The following SLC38A8 variants were observed in gnomAD, a reference collection of about 807,000 sequenced individuals.
SLC38A8 encodes amino acid transporter SLC38A8.
Under a neutral mutation model 46.0 loss-of-function variants are expected in SLC38A8, and 65 were observed. The observed-to-expected ratio is 1.41, with a 90% CI of 1.16 to 1.74. SLC38A8 has a LOEUF of 1.74. Among genes scored for constraint, SLC38A8 ranks in the 40% most tolerant of loss-of-function variants. SLC38A8 has a pLI of 0.00. For missense variants in SLC38A8, 998 were observed against 567.9 expected (o/e 1.76, Z -7.70); for synonymous variants, 447 against 243.7 (o/e 1.83, Z -7.77).
At chr16:84,030,355 T>G (rs2085223285) in intron 5 of SLC38A8, among the ~76,000 whole-genome samples, 1 of 152,116 alleles carries the variant, frequency 6.6e-6, no homozygotes, top group Admixed American at 6.5e-5. Flanking sequence ...TACCAGGGCC[T>G]CCTCATCCCC....
intron 6 of SLC38A8, among the ~76,000 whole-genome samples, chr16:84,024,033 C>T (rs1038732317): frequency 6.6e-6 from 1 of 152,206 alleles, no homozygotes; most frequent in Non-Finnish European, 1.5e-5. Context: ...TTGGCAGCCG[C>T]CCTGTGTGTT....
chr16:84,016,961 A>G (rs935825474), intron 8 of SLC38A8, among the ~76,000 whole-genome samples, 179 bp downstream of exon 8: 1 of 152,190 alleles, frequency 6.6e-6, no homozygotes, highest in Admixed American at 6.5e-5. Context: ...GGCTGTGGAC[A>G]CACACTCACG....
At chr16:84,027,015 G>A (rs2085172236) in intron 6 of SLC38A8, among the ~76,000 whole-genome samples, 1 of 152,132 alleles carries the variant, frequency 6.6e-6, no homozygotes, top group Non-Finnish European at 1.5e-5. Flanking sequence ...AAGGGTGAAT[G>A]GCACGGTATA....
At chr16:84,032,171 TTTGTTGTTGTTGTTTTG>T (rs796079357) in intron 4 of SLC38A8, among the ~76,000 whole-genome samples, 60 of 34,092 alleles carry the variant, frequency 1.8e-3, no homozygotes, top group African/African-American at 5.7e-3. Context: ...GATGTAGAGT[TTTGTTGTTGTTGTTTTG>T]TTGTTGTTGT....
In SLC38A8 at chr16:84,009,763, C is replaced by T; in HGVS notation, c.*21G>A. On this transcript the variant is annotated 3_prime_UTR_variant, in exon 11 of 11. Transcript: ENST00000299709. ...GGGTCAGCCCCCGGAGGGCCCCTTC[C>T]TGCCCGGCACTAGCTGCCCATCAGA... The T allele has an allele frequency of 3.1e-6, 5 of 1,608,570 alleles. No homozygotes were observed. Among genetic ancestry groups the T allele is most frequent in the Non-Finnish European group, 4.2e-6 (5 of 1,177,642 alleles).
At chr16:84,035,469 A>C (rs1387729600) in intron 3 of SLC38A8, among the ~76,000 whole-genome samples, 1 of 152,210 alleles carries the variant, frequency 6.6e-6, no homozygotes, top group Non-Finnish European at 1.5e-5. Context: ...AAAAGTCTAA[A>C]CATTCCAATC....
chr16:84,019,890 T>C lies in SLC38A8; in HGVS notation c.806-2603A>G, dbSNP rs1410486645. 2.0e-5 allele frequency among the ~76,000 whole-genome samples: 3 copies of C among 152,262 alleles called. No individual in the cohort carries two copies. The East Asian group carries it at 5.8e-4, about 29-fold the overall frequency. ...GCGTCAAGCTGGAGGATCATCTGTT[T>C]TGACACCATGTGCCACCCCCTGGAC... On this transcript the variant is annotated intron_variant, in intron 7 of 10. Transcript: ENST00000299709.
chr16:84,016,957 G>T (rs1215679178), intron 8 of SLC38A8, among the ~76,000 whole-genome samples, 183 bp downstream of exon 8: 1 of 152,184 alleles, frequency 6.6e-6, no homozygotes, highest in Admixed American at 6.5e-5. Context: ...TCCTGGCTGT[G>T]GACACACACT....
At chr16:84,017,990 G>T (rs892098527) in intron 7 of SLC38A8, among the ~76,000 whole-genome samples, 2 of 152,164 alleles carry the variant, frequency 1.3e-5, no homozygotes, top group African/African-American at 4.8e-5. Context: ...GAGTCACCCA[G>T]CAAGTTTCCT....
chr16:84,038,759 G>A (rs1397220703), intron 2 of SLC38A8, among the ~76,000 whole-genome samples: 1 of 152,150 alleles, frequency 6.6e-6, no homozygotes, highest in Non-Finnish European at 1.5e-5. Flanking sequence ...CACCGGTCTA[G>A]TATTTTCCAC....
At chr16:84,042,241 C>A in intron 1 of SLC38A8, 82 bp from the exon 2 acceptor site, 2 of 1,455,198 alleles carry the variant, frequency 1.4e-6, no homozygotes, top group Admixed American at 2.3e-5. Context: ...TTTGTCTCCC[C>A]AACTCAGTGA....
At position 84,027,977 on chromosome 16, in the gene SLC38A8, G is replaced by A. The variant is rs542946067; in HGVS notation, c.690+1517C>T. On this transcript the variant is annotated intron_variant, in intron 6 of 10. Coordinates refer to ENST00000299709, the MANE Select transcript of SLC38A8 (RefSeq NM_001080442.3). Reference sequence around the variant, plus strand: ...GAAGCAATGTGAGAAATCCACAGAAGTGGCTTGCTGAGGCCCTGAAGCAGC... The same window carrying A: ...GAAGCAATGTGAGAAATCCACAGAAATGGCTTGCTGAGGCCCTGAAGCAGC... Among the ~76,000 whole-genome samples, 21 of 152,226 alleles carry A rather than the reference G, an allele frequency of 1.4e-4. 1 individual carries two copies. The South Asian group carries it at 2.7e-3, about 20-fold the overall frequency.
intron 10 of SLC38A8, among the ~76,000 whole-genome samples, chr16:84,011,113 A>C (rs2084947874): frequency 6.6e-6 from 1 of 152,242 alleles, no homozygotes. Flanking sequence ...GCAGCATCTC[A>C]GCACGGCTGT....
rs564093517 is a variant in SLC38A8, at chr16:84,037,704, T to C, written c.190-804A>G. Among the ~76,000 whole-genome samples, 150 of 149,846 alleles carry C rather than the reference T, an allele frequency of 1.0e-3. 1 individual carries two copies. Among genetic ancestry groups the C allele is most frequent in the African/African-American group, 3.4e-3 (137 of 40,522 alleles). ...TGAACCTGGGAGGCGGACGTTGCAG[T>C]GAGCCAAAATTGTACCTCTGTACTC... On this transcript the variant is annotated intron_variant, in intron 2 of 10. Transcript: ENST00000299709.
chr16:84,009,966 C>G, intron 10 of SLC38A8, 89 bp from the exon 11 acceptor site: 1 of 1,013,076 alleles, frequency 9.9e-7, no homozygotes, highest in Non-Finnish European at 1.4e-6. Flanking sequence ...ATGTAGAGCC[C>G]AGTATGGAGT....
At chr16:84,037,023 A>T (rs2326159) in intron 2 of SLC38A8, 123 bp from the exon 3 acceptor site, 4 of 982,020 alleles carry the variant, frequency 4.1e-6, no homozygotes, top group African/African-American at 1.6e-5. Context: ...GCTGCTGCCA[A>T]CATGGGGTTG....
intron 7 of SLC38A8, among the ~76,000 whole-genome samples, chr16:84,019,236 G>C (rs538639828): frequency 2.6e-5 from 4 of 152,034 alleles, no homozygotes; most frequent in South Asian, 2.1e-4. Flanking sequence ...CACCATGCTC[G>C]GCTATATTTT....
chr16:84,012,921 G>T (rs999299344), intron 10 of SLC38A8, 80 bp downstream of exon 10: 2 of 1,451,914 alleles, frequency 1.4e-6, no homozygotes, highest in Non-Finnish European at 1.9e-6. Context: ...ATGAGAAATA[G>T]GATCTGCAGG....
In SLC38A8 at chr16:84,033,445, G is replaced by A; in HGVS notation, c.413C>T (p.Thr138Ile). 3 of 1,609,508 alleles carry A rather than the reference G, an allele frequency of 1.9e-6. No homozygotes were observed. Among genetic ancestry groups the A allele is most frequent in the Non-Finnish European group, 1.7e-6 (2 of 1,178,020 alleles). The change falls in exon 4 of 11, where the codon ACC becomes ATC. Residue 138 changes from threonine to isoleucine, a missense_variant. Coordinates refer to ENST00000299709, the MANE Select transcript of SLC38A8 (RefSeq NM_001080442.3). ...EKLCDSLLSGTPPAPQPWYAD... is the reference protein window; with the variant it reads ...EKLCDSLLSGIPPAPQPWYAD... ...GTACCACGGCTGCGGGGCGGGCGGGGTGCCAGACAGGAGGGAGTCACACAC... is the reference window on the plus strand; with the variant it reads ...GTACCACGGCTGCGGGGCGGGCGGGATGCCAGACAGGAGGGAGTCACACAC...
Sources: gnomAD v4.1 joint callset for allele counts (sites outside exome capture counted in the v4.1 genomes callset) on GRCh38, gnomAD v4.1.1 for gene constraint, MANE v1.5 for transcripts, NCBI Gene and HGNC (gene_info 2026-07-23, HGNC 2026-07-21) for gene names.